BIRC6: variants seen among roughly 807,000 people sequenced by gnomAD.
The protein encoded by BIRC6 is baculoviral IAP repeat containing 6.
BIRC6 carries 98 observed loss-of-function variants against 503.3 expected under a neutral mutation model. The observed-to-expected ratio is 0.19, with a 90% confidence interval of 0.17 to 0.23. The LOEUF (loss-of-function observed/expected upper bound fraction) is 0.23. BIRC6 is among the 10% of genes least tolerant of loss of function. The probability of loss-of-function intolerance (pLI) is 1.00; values close to 1 mark genes in which losing one functional copy is unlikely to be tolerated. For missense variants in BIRC6, 5,360 were observed against 5,806.0 expected (o/e 0.92, Z 2.50); for synonymous variants, 2,240 against 2,078.7 (o/e 1.08, Z -2.11).
intron 22 of BIRC6, among the ~76,000 whole-genome samples, chr2:32,450,498 C>G (rs1176736893): frequency 6.6e-6 from 1 of 152,114 alleles, no homozygotes; most frequent in East Asian, 1.9e-4. Context: ...ACTTTAATGT[C>G]TCATTGTGTT....
At position 32,597,924 on chromosome 2, in the gene BIRC6, A is replaced by G. The variant is rs986335394; in HGVS notation, c.13786A>G (p.Ser4596Gly). Residue 4596 changes from serine (S) to glycine (G), a missense_variant, in exon 69 of 74, where the codon AGT becomes GGT. Physicochemically the swap from Ser to Gly is moderately conservative, Grantham distance 56. Transcript: ENST00000421745. ...STSLPLSSSSSVFVRCDEERL... is the reference protein window; with the variant it reads ...STSLPLSSSSGVFVRCDEERL... Reference sequence around the variant, plus strand: ...CTCACTGCCTCTGTCTTCATCCTCTAGTGTGTTTGTACGCTGTGATGAGGA... The same window carrying G: ...CTCACTGCCTCTGTCTTCATCCTCTGGTGTGTTTGTACGCTGTGATGAGGA... The G allele has an allele frequency of 6.2e-7, 1 of 1,613,522 alleles. No homozygotes were observed. Among genetic ancestry groups the G allele is most frequent in the Non-Finnish European group, 8.5e-7 (1 of 1,179,886 alleles).
intron 33 of BIRC6, among the ~76,000 whole-genome samples, chr2:32,475,941 A>G (rs946677109): frequency 2.0e-5 from 3 of 152,208 alleles, no homozygotes; most frequent in Admixed American, 6.5e-5. Context: ...AAAAATATAT[A>G]TCGCTCGATT....
Position 32,515,142 on chromosome 2 carries a change from A to C in BIRC6, c.10721A>C (p.His3574Pro). Residue 3574 changes from histidine to proline, a missense_variant, in exon 55 of 74, where the codon CAT becomes CCT. His to Pro is a moderately conservative substitution (Grantham distance 77). Around this residue, in one of 16 missense-constraint regions of BIRC6, gnomAD observed 878 missense variants for 928.9 expected, o/e 0.95. Transcript: ENST00000421745. ...ATTACCCCTCCTCCAGTGCAATGTC[A>C]TCATAGACTGTCCATGACAGATGAT... ...MGITPPPVQCHHRLSMTDDSK... is the reference protein window; with the variant it reads ...MGITPPPVQCPHRLSMTDDSK... 1 of 1,613,978 alleles carries C rather than the reference A, an allele frequency of 6.2e-7. No individual in the cohort carries two copies. Among genetic ancestry groups the C allele is most frequent in the Non-Finnish European group, 8.5e-7 (1 of 1,179,884 alleles).
intron 17 of BIRC6, 91 bp downstream of exon 17, chr2:32,441,553 T>C (rs893559799): frequency 8.0e-7 from 1 of 1,252,766 alleles, no homozygotes. Flanking sequence ...AAAAATCTTT[T>C]ACCTGAAAAT....
chr2:32,466,042 A>G (rs1193397774), intron 26 of BIRC6, among the ~76,000 whole-genome samples: 3 of 152,158 alleles, frequency 2.0e-5, no homozygotes, highest in African/African-American at 4.8e-5. Flanking sequence ...ATACATAGCA[A>G]TGACTGTAGT....
intron 65 of BIRC6, among the ~76,000 whole-genome samples, chr2:32,555,363 G>A (rs562601765): frequency 3.3e-5 from 5 of 152,188 alleles, no homozygotes; most frequent in South Asian, 2.1e-4. Context: ...AAAATAGGCC[G>A]GGTGAAGTGG....
At chr2:32,437,852 C>T (rs906789028) in intron 15 of BIRC6, among the ~76,000 whole-genome samples, 1 of 152,124 alleles carries the variant, frequency 6.6e-6, no homozygotes. Context: ...TGCTGGGATA[C>T]AGTAGTGAAC....
At chr2:32,413,556 T>A (rs1213818876) in intron 9 of BIRC6, among the ~76,000 whole-genome samples, 3 of 152,054 alleles carry the variant, frequency 2.0e-5, no homozygotes, top group Non-Finnish European at 2.9e-5. Context: ...TGAGCTCAGG[T>A]AATCTGCCTA....
chr2:32,601,846 A>C (rs1357220803), intron 70 of BIRC6, among the ~76,000 whole-genome samples: 1 of 151,876 alleles, frequency 6.6e-6, no homozygotes, highest in Non-Finnish European at 1.5e-5. Flanking sequence ...AAGCCTGAAT[A>C]CTCTTTTAGG....
chr2:32,585,853 A>G (rs915900124), intron 66 of BIRC6, among the ~76,000 whole-genome samples: 1 of 152,192 alleles, frequency 6.6e-6, no homozygotes, highest in South Asian at 2.1e-4. Context: ...TTTATGTAGG[A>G]TTTATAGTTT....
chr2:32,456,017 T>G (rs997185428), intron 23 of BIRC6, among the ~76,000 whole-genome samples: 1 of 152,204 alleles, frequency 6.6e-6, no homozygotes, highest in Non-Finnish European at 1.5e-5. Flanking sequence ...AGAAAATAAT[T>G]GCATAGCTCG....
intron 66 of BIRC6, among the ~76,000 whole-genome samples, chr2:32,578,199 G>C (rs978210120): frequency 7.2e-5 from 11 of 152,090 alleles, no homozygotes; most frequent in African/African-American, 2.7e-4. Flanking sequence ...GCTTCACAGA[G>C]AGAGTAAAAT....
intron 10 of BIRC6, among the ~76,000 whole-genome samples, chr2:32,421,087 A>ACTTT: frequency 7.2e-6 from 1 of 138,878 alleles, no homozygotes; most frequent in Middle Eastern, 3.7e-3. Context: ...GCTCTTCTCT[A>ACTTT]GTTTCTTTCT....
chr2:32,525,360 A>T, intron 58 of BIRC6, 104 bp from the exon 59 acceptor site: 1 of 1,222,216 alleles, frequency 8.2e-7, no homozygotes, highest in Non-Finnish European at 1.2e-6. Context: ...CTGTTTTCTG[A>T]CATTAGCTAG....
Position 32,468,376 on chromosome 2 carries a change from T to G in BIRC6, c.5781-61T>G. 3.0e-6 allele frequency: 4 copies of G among 1,338,218 alleles called. No homozygotes were observed. In the South Asian group the frequency reaches 5.7e-5, roughly 19 times the overall value. The allele number at this position is 1,338,218 out of a possible 1,614,324, so 82.9% of individuals were successfully genotyped here. ...TTTAAGAGATTTAATTCTTAGTATT[T>G]GTACATGTACATAAAGAGGACATTA... On this transcript the variant is annotated intron_variant, in intron 28 of 73. Transcript: ENST00000421745.
Position 32,468,607 on chromosome 2 carries a change from T to G in BIRC6, c.5951T>G (p.Leu1984Arg). ...GATTGTATTCAGCTACAGCTTCAAC[T>G]AAATTTGGCTCATAATGCAGTGCAG... ...YQDCIQLQLQLNLAHNAVQRL... is the reference protein window; with the variant it reads ...YQDCIQLQLQRNLAHNAVQRL... Residue 1984 changes from leucine (L) to arginine (R), a missense_variant, in exon 29 of 74, where the codon CTA becomes CGA. By Grantham distance (102) the Leu-to-Arg change is moderately radical. Transcript: ENST00000421745. 1 of 1,614,008 alleles carries G rather than the reference T, an allele frequency of 6.2e-7. No individual in the cohort carries two copies. Among genetic ancestry groups the G allele is most frequent in the Middle Eastern group, 1.7e-4 (1 of 6,060 alleles).
intron 8 of BIRC6, among the ~76,000 whole-genome samples, chr2:32,405,802 G>A (rs1368817514): frequency 6.6e-6 from 1 of 152,132 alleles, no homozygotes; most frequent in African/African-American, 2.4e-5. Context: ...TTCAGTAATA[G>A]AATAGTTCTT....
At chr2:32,500,174 A>T (rs926716710) in intron 46 of BIRC6, 65 bp downstream of exon 46, 1 of 1,359,488 alleles carries the variant, frequency 7.4e-7, no homozygotes, top group Non-Finnish European at 1.0e-6. Flanking sequence ...TTTTTAAGCA[A>T]TATATGGATT....
rs140234117 is a variant in BIRC6, at chr2:32,519,540, G to A, written c.11623+594G>A. Among the ~76,000 whole-genome samples, 761 of 152,092 alleles carry A rather than the reference G, an allele frequency of 5.0e-3. 6 individuals carry two copies. Among genetic ancestry groups the A allele is most frequent in the Non-Finnish European group, 7.2e-3 (492 of 67,986 alleles). ...ATTTATTTATTTAATTTTGAGAGGG[G>A]GGTCTCACTCTGTCACCCAGGCTGA... On this transcript the variant is annotated intron_variant, in intron 57 of 73. Coordinates refer to ENST00000421745, the MANE Select transcript of BIRC6 (RefSeq NM_016252.4).
Sources: gnomAD v4.1 joint callset for allele counts (sites outside exome capture counted in the v4.1 genomes callset) on GRCh38, gnomAD v4.1.1 for gene constraint, gnomAD v4.1.1 regional missense constraint, MANE v1.5 for transcripts, NCBI Gene and HGNC (gene_info 2026-07-23, HGNC 2026-07-21) for gene names.